Variants in CELF1 observed in about 807,000 individuals in gnomAD.
CELF1 encodes CUGBP Elav-like family member 1.
A neutral mutation model predicts 61.8 loss-of-function variants in CELF1; 10 were observed. The observed-to-expected ratio is 0.16, with a 90% CI of 0.10 to 0.27. CELF1 has a LOEUF of 0.27. CELF1 is among the 10% of genes least tolerant of loss of function. The probability of loss-of-function intolerance (pLI) is 1.00; values close to 1 mark genes in which losing one functional copy is unlikely to be tolerated. For synonymous variants in CELF1, 236 were observed against 225.1 expected (o/e 1.05, Z -0.43); for missense variants, 380 against 639.1 (o/e 0.59, Z 4.37).
intron 3 of CELF1, among the ~76,000 whole-genome samples, chr11:47,491,893 A>G (rs149945682): frequency 2.3e-4 from 35 of 152,356 alleles, no homozygotes; most frequent in African/African-American, 6.7e-4. Context: ...ATTAGCTCTG[A>G]TAAAATGAGT....
At chr11:47,494,296 T>A (rs2092596852) in intron 3 of CELF1, 1 of 725,094 alleles carries the variant, frequency 1.4e-6, no homozygotes, top group Non-Finnish European at 1.7e-6. Flanking sequence ...TTTTTATGTT[T>A]CTACTACTGG....
chr11:47,509,930 C>T (rs771805465), intron 1 of CELF1, among the ~76,000 whole-genome samples: 2 of 146,944 alleles, frequency 1.4e-5, no homozygotes, highest in South Asian at 2.1e-4. Flanking sequence ...GACATGGTGG[C>T]GTGCACCTGT....
At chr11:47,555,529 G>C (rs1021791436), upstream of CELF1, among the ~76,000 whole-genome samples, 3 of 152,072 alleles carry the variant, frequency 2.0e-5, no homozygotes, top group African/African-American at 4.8e-5. Context: ...GCCCAAGGTT[G>C]GGGGGAAGAA....
At chr11:47,482,573 T>G in intron 9 of CELF1, 122 bp downstream of exon 9, 1 of 886,064 alleles carries the variant, frequency 1.1e-6, no homozygotes, top group Admixed American at 2.5e-5. Context: ...ACCTGAATTT[T>G]TACATATAAT....
chr11:47,547,517 A>C (rs891714012), intron 1 of CELF1, among the ~76,000 whole-genome samples: 50 of 152,032 alleles, frequency 3.3e-4, no homozygotes, highest in African/African-American at 1.2e-3. Flanking sequence ...ATCTCTACTA[A>C]AAATACAAAA....
rs1030607856 is a variant in CELF1, at chr11:47,470,006, C to T, written c.*2224G>A. 6.6e-6 allele frequency: 1 copy of T among 152,238 alleles called. No homozygotes were observed. Among genetic ancestry groups the T allele is most frequent in the African/African-American group, 2.4e-5 (1 of 41,448 alleles). The allele number at this position is 152,238 out of a possible 1,614,324, so 9.4% of individuals were successfully genotyped here. ...GCACCCTATGGAGCACAGCTCTCTCCTCTGCCAATTCACAGCATTAACACC... is the reference window on the plus strand; with the variant it reads ...GCACCCTATGGAGCACAGCTCTCTCTTCTGCCAATTCACAGCATTAACACC... On this transcript the variant is annotated 3_prime_UTR_variant, in exon 15 of 15. Transcript: ENST00000687097.
At chr11:47,557,943 C>A (rs922032263), upstream of CELF1, 1 of 152,096 alleles carries the variant, frequency 6.6e-6, no homozygotes, top group Admixed American at 6.6e-5. Context: ...ACAACCTCCG[C>A]CTCCTGGGTT....
intron 1 of CELF1, among the ~76,000 whole-genome samples, chr11:47,547,052 C>T (rs11039287): frequency 3.0e-4 from 10 of 33,874 alleles, no homozygotes; most frequent in South Asian, 1.1e-3. Flanking sequence ...GCAACAAAAG[C>T]GAAACTCCAC....
chr11:47,547,755 A>G (rs2097012880), intron 1 of CELF1, among the ~76,000 whole-genome samples: 1 of 152,160 alleles, frequency 6.6e-6, no homozygotes, highest in Non-Finnish European at 1.5e-5. Context: ...CAACACGCTA[A>G]GTGAAATAAG....
At chr11:47,552,917 C>G in intron 1 of CELF1, 75 bp downstream of exon 1, 1 of 397,380 alleles carries the variant, frequency 2.5e-6, no homozygotes. Flanking sequence ...CGGACCCGCC[C>G]CGCGGCGCCT....
chr11:47,489,935 G>GTTGTTTTTTTT (rs1555170252), intron 3 of CELF1, among the ~76,000 whole-genome samples: 3 of 48,226 alleles, frequency 6.2e-5, no homozygotes, highest in Admixed American at 3.0e-4. Flanking sequence ...ATACCATCTT[G>GTTGTTTTTTTT]TTTTTTTTTT....
intron 3 of CELF1, among the ~76,000 whole-genome samples, chr11:47,492,593 G>A (rs562970496): frequency 3.3e-5 from 5 of 152,298 alleles, no homozygotes; most frequent in African/African-American, 1.2e-4. Flanking sequence ...TTAGCTGGGT[G>A]TGGTGGCGTG....
At chr11:47,531,046 A>G (rs1453191050) in intron 1 of CELF1, among the ~76,000 whole-genome samples, 1 of 152,090 alleles carries the variant, frequency 6.6e-6, no homozygotes, top group African/African-American at 2.4e-5. Context: ...CAGGAGTTTG[A>G]GACCAGCCTG....
At position 47,490,029 on chromosome 11, in the gene CELF1, C is replaced by T. The variant is rs144679945; in HGVS notation, c.72-1005G>A. Among the ~76,000 whole-genome samples, 74 of 143,002 alleles carry T rather than the reference C, an allele frequency of 5.2e-4. 1 individual carries two copies. The highest frequency in any genetic ancestry group is 1.8e-3 in the African/African-American group (70 of 38,108). 93.8% of individuals were successfully genotyped at this position (143,002 alleles called of 152,430 possible). A position where few individuals can be genotyped will look rare whatever the true frequency, so the allele number is the denominator to read the frequency against. On this transcript the variant is annotated intron_variant, in intron 3 of 14. Coordinates refer to ENST00000687097, the MANE Select transcript of CELF1 (RefSeq NM_001376376.1). ...TCTCAGCTCATGGCAATCTCCACTT[C>T]CCAGGTTCAAGAGATTCTCCTGCCT...
intron 1 of CELF1, among the ~76,000 whole-genome samples, chr11:47,525,647 G>A (rs1375280043): frequency 6.6e-6 from 1 of 152,118 alleles, no homozygotes. Flanking sequence ...AGGGGCTACA[G>A]CACAAATCAA....
At chr11:47,518,191 T>C (rs912873294) in intron 1 of CELF1, among the ~76,000 whole-genome samples, 3 of 152,224 alleles carry the variant, frequency 2.0e-5, no homozygotes, top group African/African-American at 7.2e-5. Context: ...AAACTGCCAT[T>C]GTCCAGGTGA....
At chr11:47,499,362 C>T in intron 3 of CELF1, 91 bp downstream of exon 3, 1 of 995,268 alleles carries the variant, frequency 1.0e-6, no homozygotes, top group Non-Finnish European at 1.5e-6. Flanking sequence ...TTTCTCTTCC[C>T]CTTCTTAAAA....
At chr11:47,528,115 CA>C (rs1197925110) in intron 1 of CELF1, among the ~76,000 whole-genome samples, 2 of 151,090 alleles carry the variant, frequency 1.3e-5, no homozygotes, top group African/African-American at 4.9e-5. Context: ...CCACCCCTCC[CA>C]AAAACAAACA....
chr11:47,472,040 G>T lies in CELF1; in HGVS notation c.*190C>A. On this transcript the variant is annotated 3_prime_UTR_variant, in exon 15 of 15. Coordinates refer to ENST00000687097, the MANE Select transcript of CELF1 (RefSeq NM_001376376.1). ...ACACTGGAAACCAAAGCACAAACTT[G>T]TCCTCTGTACGAAGCGAAACTCCCA... The T allele has an allele frequency of 1.7e-6, 1 of 603,882 alleles. No individual in the cohort carries two copies. The highest frequency in any genetic ancestry group is 2.9e-6 in the Non-Finnish European group (1 of 347,552). The allele number at this position is 603,882 out of a possible 1,614,324, so 37.4% of individuals were successfully genotyped here. A position where few individuals can be genotyped will look rare whatever the true frequency, so the allele number is the denominator to read the frequency against.
Sources: gnomAD v4.1 joint callset for allele counts (sites outside exome capture counted in the v4.1 genomes callset) on GRCh38, gnomAD v4.1.1 for gene constraint, MANE v1.5 for transcripts, NCBI Gene and HGNC (gene_info 2026-07-23, HGNC 2026-07-21) for gene names.